TAS2R1: variants seen among roughly 807,000 people sequenced by gnomAD.
The protein encoded by TAS2R1 is taste receptor type 2 member 1.
For synonymous variants in TAS2R1, 141 were observed against 134.2 expected, an observed-to-expected ratio of 1.05 and a Z score of -0.35; for missense variants, 370 against 353.4, an observed-to-expected ratio of 1.05 and a Z score of -0.38.
chr5:9,889,034 T>C, the TAS2R1 span, among the ~76,000 whole-genome samples: 1 of 152,220 alleles, frequency 6.6e-6, no homozygotes, highest in Non-Finnish European at 1.5e-5. Flanking sequence ...CTCCCAGTAA[T>C]GGCTAAGTAT....
intron 1 of TAS2R1, among the ~76,000 whole-genome samples, chr5:9,703,303 T>C (rs1741531591): frequency 6.6e-6 from 1 of 152,140 alleles, no homozygotes; most frequent in African/African-American, 2.4e-5. Flanking sequence ...ATTTGAAAAC[T>C]TGTCAAACCA....
intron 1 of TAS2R1, among the ~76,000 whole-genome samples, chr5:9,671,088 G>T (rs563245458): frequency 6.6e-6 from 1 of 152,190 alleles, no homozygotes; most frequent in East Asian, 1.9e-4. Context: ...ATAAAATTCA[G>T]CATCACTTCA....
At chr5:9,728,698 T>C in the TAS2R1 span, among the ~76,000 whole-genome samples, 1 of 152,090 alleles carries the variant, frequency 6.6e-6, no homozygotes, top group Non-Finnish European at 1.5e-5. Flanking sequence ...GCTGAAGAAA[T>C]GGAGAGCGAA....
the TAS2R1 span, among the ~76,000 whole-genome samples, chr5:9,719,500 TC>T: frequency 6.6e-6 from 1 of 152,224 alleles, no homozygotes; most frequent in Non-Finnish European, 1.5e-5. Flanking sequence ...TCTCCACTCT[TC>T]CACTGAAAAC....
At position 9,667,027 on chromosome 5, in the gene TAS2R1, T is replaced by C. The variant is rs376080449; in HGVS notation, c.-241-7446A>G. On this transcript the variant is annotated intron_variant, in intron 1 of 2. Transcript: ENST00000506620. ...GGTCCTTATATGAGTATAACAGGCA[T>C]GTTCCAAAATAAAACTACATGAGAC... Among the ~76,000 whole-genome samples, 49 of 152,316 alleles carry C rather than the reference T, an allele frequency of 3.2e-4. 1 individual carries two copies. In the East Asian group the frequency reaches 8.9e-3, roughly 28 times the overall value.
At chr5:9,662,678 C>A (rs1324430969) in intron 1 of TAS2R1, among the ~76,000 whole-genome samples, 1 of 152,208 alleles carries the variant, frequency 6.6e-6, no homozygotes, top group Non-Finnish European at 1.5e-5. Flanking sequence ...TAGTTTGTCA[C>A]AGGCAGCTCA....
the TAS2R1 span, among the ~76,000 whole-genome samples, chr5:9,805,550 T>A: frequency 6.6e-6 from 1 of 152,182 alleles, no homozygotes; most frequent in Admixed American, 6.5e-5. Context: ...TAATCCACCA[T>A]GATCAAGTGG....
At chr5:9,870,585 G>A in the TAS2R1 span, among the ~76,000 whole-genome samples, 1 of 152,140 alleles carries the variant, frequency 6.6e-6, no homozygotes, top group Non-Finnish European at 1.5e-5. Flanking sequence ...TACAAAGATG[G>A]TTAAAACATG....
the TAS2R1 span, among the ~76,000 whole-genome samples, chr5:9,790,918 G>A: frequency 6.6e-6 from 1 of 152,150 alleles, no homozygotes; most frequent in African/African-American, 2.4e-5. Flanking sequence ...GGGATTACAG[G>A]CATGTGCCAC....
At chr5:9,760,375 T>C in the TAS2R1 span, among the ~76,000 whole-genome samples, 1 of 152,152 alleles carries the variant, frequency 6.6e-6, no homozygotes, top group East Asian at 1.9e-4. Context: ...ATCAAAACCA[T>C]GCAAAGACAT....
chr5:9,747,682 C>T, the TAS2R1 span, among the ~76,000 whole-genome samples: 1 of 152,040 alleles, frequency 6.6e-6, no homozygotes, highest in South Asian at 2.1e-4. Flanking sequence ...TTTCAACGTG[C>T]AGCATAAGGG....
At chr5:9,884,608 A>C in the TAS2R1 span, among the ~76,000 whole-genome samples, 4 of 152,208 alleles carry the variant, frequency 2.6e-5, no homozygotes, top group Non-Finnish European at 5.9e-5. Flanking sequence ...TATAAAACAC[A>C]AGTTACTATT....
At chr5:9,837,705 A>T in the TAS2R1 span, among the ~76,000 whole-genome samples, 4 of 152,140 alleles carry the variant, frequency 2.6e-5, no homozygotes, top group Non-Finnish European at 5.9e-5. Flanking sequence ...CATTTCTTTA[A>T]CAAATGCCTT....
the TAS2R1 span, among the ~76,000 whole-genome samples, chr5:9,755,269 T>C: frequency 6.6e-6 from 1 of 151,706 alleles, no homozygotes; most frequent in Non-Finnish European, 1.5e-5. Flanking sequence ...TACAGTAAAG[T>C]GAAAGCAACT....
intron 1 of TAS2R1, among the ~76,000 whole-genome samples, chr5:9,671,441 G>A (rs1294641976): frequency 6.6e-6 from 1 of 152,096 alleles, no homozygotes; most frequent in African/African-American, 2.4e-5. Flanking sequence ...CTTCAGCAAA[G>A]TTTCAGGATA....
At chr5:9,722,568 A>T in the TAS2R1 span, among the ~76,000 whole-genome samples, 1 of 152,210 alleles carries the variant, frequency 6.6e-6, no homozygotes, top group African/African-American at 2.4e-5. Context: ...TGAAATGCTA[A>T]GCTTCAGCAT....
chr5:9,669,122 C>G (rs915902531), intron 1 of TAS2R1, among the ~76,000 whole-genome samples: 4 of 152,126 alleles, frequency 2.6e-5, no homozygotes, highest in Non-Finnish European at 5.9e-5. Flanking sequence ...ATTCTAATTT[C>G]AGACAAAGCA....
At chr5:9,761,193 C>A in the TAS2R1 span, among the ~76,000 whole-genome samples, 1 of 152,176 alleles carries the variant, frequency 6.6e-6, no homozygotes, top group Non-Finnish European at 1.5e-5. Flanking sequence ...ATGGGCCTTG[C>A]CACTCTGAGA....
chr5:9,873,314 T>C, the TAS2R1 span, among the ~76,000 whole-genome samples: 1 of 151,826 alleles, frequency 6.6e-6, no homozygotes, highest in Non-Finnish European at 1.5e-5. Flanking sequence ...CCTGTAGAGT[T>C]CATGGAACCC....
Sources: gnomAD v4.1 joint callset for allele counts (sites outside exome capture counted in the v4.1 genomes callset) on GRCh38, gnomAD v4.1.1 for gene constraint, MANE v1.5 for transcripts, NCBI Gene and HGNC (gene_info 2026-07-23, HGNC 2026-07-21) for gene names.